Variants in PRIMA1 observed in about 807,000 individuals in gnomAD.
PRIMA1 encodes the protein proline-rich membrane anchor 1.
A neutral mutation model predicts 17.5 loss-of-function variants in PRIMA1; 7 were observed. The ratio of observed to expected loss-of-function variants is 0.40; its 90% CI spans 0.23 to 0.75. PRIMA1 has a LOEUF of 0.75. Ranked by LOEUF, PRIMA1 falls within the 30% of genes least tolerant of loss-of-function variation. The pLI is 0.37. For missense variants in PRIMA1, 200 were observed against 201.8 expected (o/e 0.99, Z 0.05); for synonymous variants, 97 against 77.9 (o/e 1.25, Z -1.29).
At chr14:93,749,406 G>A (rs1342102324) in intron 3 of PRIMA1, among the ~76,000 whole-genome samples, 1 of 152,086 alleles carries the variant, frequency 6.6e-6, no homozygotes, top group African/African-American at 2.4e-5. Flanking sequence ...GCTAGCACTG[G>A]GGACAGGATG....
At chr14:93,787,521 C>T (rs1014820581) in intron 2 of PRIMA1, 105 bp downstream of exon 2, 1 of 1,481,404 alleles carries the variant, frequency 6.8e-7, no homozygotes, top group Non-Finnish European at 9.1e-7. Flanking sequence ...TTCCGAGAAC[C>T]AATCAGTGGG....
chr14:93,722,378 ATGGGG>A (rs2076045178), intron 4 of PRIMA1, among the ~76,000 whole-genome samples: 1 of 23,816 alleles, frequency 4.2e-5, no homozygotes, highest in Non-Finnish European at 1.1e-4. Context: ...GCTGGTGGTA[ATGGGG>A]TGATGGTGGT....
intron 3 of PRIMA1, among the ~76,000 whole-genome samples, chr14:93,753,444 G>C (rs1384174350): frequency 6.6e-6 from 1 of 152,236 alleles, no homozygotes; most frequent in Non-Finnish European, 1.5e-5. Flanking sequence ...GGGAGGGGCA[G>C]ATGGTACAGG....
chr14:93,742,565 AG>A (rs1458533265), intron 3 of PRIMA1, among the ~76,000 whole-genome samples: 1 of 152,188 alleles, frequency 6.6e-6, no homozygotes, highest in African/African-American at 2.4e-5. Flanking sequence ...AGGGAGGCTA[AG>A]GAGACCAAGG....
intron 3 of PRIMA1, among the ~76,000 whole-genome samples, chr14:93,748,358 G>C (rs1196352593): frequency 6.6e-6 from 1 of 152,174 alleles, no homozygotes; most frequent in Non-Finnish European, 1.5e-5. Context: ...CACAAAGCAG[G>C]CAAGTCCCCG....
At chr14:93,774,223 C>T (rs933765971) in intron 3 of PRIMA1, among the ~76,000 whole-genome samples, 4 of 152,228 alleles carry the variant, frequency 2.6e-5, no homozygotes, top group Admixed American at 6.5e-5. Context: ...TGGGGTGACC[C>T]GCTGTTCCAG....
At chr14:93,730,166 G>A (rs1041250530) in intron 4 of PRIMA1, among the ~76,000 whole-genome samples, 3 of 152,260 alleles carry the variant, frequency 2.0e-5, no homozygotes, top group Middle Eastern at 3.4e-3. Flanking sequence ...GCCAGGCATC[G>A]TGCCAGGCAC....
In PRIMA1 at chr14:93,718,316, T is replaced by C. The variant is rs1247739540; in HGVS notation, c.*3128A>G. ...ACTGACAGACATCTCTATATTTTTA[T>C]TGAAAATAAAAAAGTCATGGTGCTT... On this transcript the variant is annotated 3_prime_UTR_variant, in exon 5 of 5. Coordinates refer to ENST00000393140, the MANE Select transcript of PRIMA1 (RefSeq NM_178013.4). 1.3e-5 allele frequency: 2 copies of C among 152,046 alleles called. No individual in the cohort carries two copies. The highest frequency in any genetic ancestry group is 1.9e-4 in the East Asian group (1 of 5,182). 9.4% of individuals were successfully genotyped at this position (152,046 alleles called of 1,614,324 possible). A position where few individuals can be genotyped will look rare whatever the true frequency, so the allele number is the denominator to read the frequency against.
Position 93,720,039 on chromosome 14 carries a change from A to G in PRIMA1, c.*1405T>C, listed in dbSNP as rs2076027116. ...AGTCTCACCTGTAGCTTAAACACCT[A>G]TCAGAGGAGCACACTGGAGGTTTAG... On this transcript the variant is annotated 3_prime_UTR_variant, in exon 5 of 5. Coordinates refer to ENST00000393140, the MANE Select transcript of PRIMA1 (RefSeq NM_178013.4). 1 of 152,212 alleles carries G rather than the reference A, an allele frequency of 6.6e-6. No homozygotes were observed. Among genetic ancestry groups the G allele is most frequent in the African/African-American group, 2.4e-5 (1 of 41,436 alleles). The allele number at this position is 152,212 out of a possible 1,614,324, so 9.4% of individuals were successfully genotyped here.
chr14:93,767,074 G>A (rs970731598), intron 3 of PRIMA1, among the ~76,000 whole-genome samples: 3 of 152,214 alleles, frequency 2.0e-5, no homozygotes, highest in African/African-American at 7.2e-5. Flanking sequence ...ACCAACGTCT[G>A]CAATAATTGA....
intron 3 of PRIMA1, among the ~76,000 whole-genome samples, chr14:93,746,207 C>G (rs2076216945): frequency 1.3e-5 from 2 of 152,040 alleles, no homozygotes; most frequent in Admixed American, 1.3e-4. Flanking sequence ...GCTGGGGGCT[C>G]CTGGGAATGG....
In PRIMA1 at chr14:93,734,817, G is replaced by GT. The variant is rs1484779997; in HGVS notation, c.359+2423dup. Among the ~76,000 whole-genome samples, 8 of 152,194 alleles carry GT rather than the reference G, an allele frequency of 5.3e-5. 1 individual carries two copies. The South Asian group carries it at 8.3e-4, about 16-fold the overall frequency. The stretch of plus-strand genomic sequence containing the variant: ...CACTGAGCCATCTGGGATGAGTTCT[G>GT]TTTTTTCCAGGGTGCTAACAGACCC... On this transcript the variant is annotated intron_variant, in intron 4 of 4. Transcript: ENST00000393140.
rs1268093384 is a variant in PRIMA1 at position 93,779,188 on chromosome 14, G to T, written c.217C>A (p.Leu73Ile). 6.9e-7 allele frequency: 1 copy of T among 1,451,464 alleles called. No individual in the cohort carries two copies. Among genetic ancestry groups the T allele is most frequent in the Non-Finnish European group, 9.0e-7 (1 of 1,105,274 alleles). The allele number at this position is 1,451,464 out of a possible 1,614,324, so 89.9% of individuals were successfully genotyped here. The change falls in exon 3 of 5, where the codon CTC becomes ATC. Residue 73 changes from leucine (L) to isoleucine (I), a missense_variant. Physicochemically the swap from Leu to Ile is conservative, Grantham distance 5 (BLOSUM62 2). Coordinates refer to ENST00000393140, the MANE Select transcript of PRIMA1 (RefSeq NM_178013.4). The part of the protein sequence containing the change: ...PPPPPPPPRL[L>I]SAPAPNSTSC... ...AGCCATTACTTACCTGGGGCGGAGA[G>T]GAGTCTGGGAGGTGGCGGGGGTGGG...
chr14:93,749,951 C>T (rs560825460), intron 3 of PRIMA1, among the ~76,000 whole-genome samples: 80 of 152,268 alleles, frequency 5.3e-4, no homozygotes, highest in African/African-American at 1.8e-3. Context: ...GAGGCCTAGG[C>T]GGGCAGATCA....
At chr14:93,763,175 T>A (rs12184978) in intron 3 of PRIMA1, among the ~76,000 whole-genome samples, 1 of 151,960 alleles carries the variant, frequency 6.6e-6, no homozygotes, top group African/African-American at 2.4e-5. Flanking sequence ...AGGCTCCTAG[T>A]ATACAGAAAT....
intron 3 of PRIMA1, among the ~76,000 whole-genome samples, chr14:93,744,475 G>A (rs1051989347): frequency 1.3e-5 from 2 of 152,236 alleles, no homozygotes; most frequent in Non-Finnish European, 2.9e-5. Flanking sequence ...TGGGTGCGGG[G>A]CTGCTCACTC....
intron 4 of PRIMA1, among the ~76,000 whole-genome samples, chr14:93,733,671 G>C (rs1347883873): frequency 6.8e-6 from 1 of 147,054 alleles, no homozygotes; most frequent in African/African-American, 2.5e-5. Flanking sequence ...AGAGTTAAAA[G>C]AAAAAAAAAA....
At position 93,737,248 on chromosome 14, in the gene PRIMA1, T is replaced by A; in HGVS notation, c.352A>T (p.Ile118Leu). 2 of 1,614,158 alleles carry A rather than the reference T, an allele frequency of 1.2e-6. No individual in the cohort carries two copies. Among genetic ancestry groups the A allele is most frequent in the East Asian group, 2.2e-5 (1 of 44,888 alleles). Reference sequence around the variant, plus strand: ...CAGTGAGTGAGCACTCACCTTTTTATGGCTTTGTAGCAAATGATGACAAGC... The same window carrying A: ...CAGTGAGTGAGCACTCACCTTTTTAAGGCTTTGTAGCAAATGATGACAAGC... ...TVLVIICYKA[I>L]KRKPLRKDEN... The change falls in exon 4 of 5, where the codon ATA becomes TTA. Residue 118 changes from isoleucine to leucine, a missense_variant. Coordinates refer to ENST00000393140, the MANE Select transcript of PRIMA1 (RefSeq NM_178013.4).
intron 2 of PRIMA1, among the ~76,000 whole-genome samples, chr14:93,782,269 A>AAAAT (rs71412332): frequency 1.9e-4 from 29 of 149,820 alleles, no homozygotes; most frequent in Middle Eastern, 6.9e-3. Context: ...CTCCGTCTCA[A>AAAAT]AAATAAATAA....
Sources: allele counts gnomAD v4.1 joint callset (sites outside exome capture counted in the v4.1 genomes callset), GRCh38; gene constraint gnomAD v4.1.1; transcripts MANE v1.5; gene names NCBI Gene and HGNC (gene_info 2026-07-23, HGNC 2026-07-21).